The following FRMD5 variants were observed in gnomAD, a reference collection of about 807,000 sequenced individuals.
FRMD5 encodes the protein FERM domain-containing protein 5.
A neutral mutation model predicts 69.0 loss-of-function variants in FRMD5; 20 were observed. The observed-to-expected ratio is 0.29, with a 90% CI of 0.20 to 0.42. The LOEUF is 0.42. Among genes scored for constraint, FRMD5 ranks in the 10% least tolerant of loss-of-function variants. The pLI, the probability that FRMD5 is intolerant of heterozygous loss-of-function variation, is 1.00. For synonymous variants in FRMD5, 271 were observed against 260.1 expected (o/e 1.04, Z -0.40); for missense variants, 595 against 708.6 (o/e 0.84, Z 1.82).
intron 8 of FRMD5, among the ~76,000 whole-genome samples, chr15:43,890,755 C>T (rs1458698701): frequency 2.6e-5 from 4 of 152,190 alleles, no homozygotes; most frequent in Non-Finnish European, 4.4e-5. Flanking sequence ...CCTTGTGGCA[C>T]GGCTGTTGTC....
intron 1 of FRMD5, among the ~76,000 whole-genome samples, chr15:44,117,937 G>C (rs571011525): frequency 1.3e-5 from 2 of 150,400 alleles, no homozygotes; most frequent in African/African-American, 4.9e-5. Context: ...TGAGGAATTA[G>C]AGCAAGGACT....
At chr15:43,959,878 T>C (rs1300089289) in intron 1 of FRMD5, among the ~76,000 whole-genome samples, 1 of 152,208 alleles carries the variant, frequency 6.6e-6, no homozygotes, top group South Asian at 2.1e-4. Flanking sequence ...GGGCAAGTTA[T>C]TTGCATCCAC....
intron 1 of FRMD5, among the ~76,000 whole-genome samples, chr15:44,011,572 G>A (rs1325608438): frequency 1.3e-5 from 2 of 152,142 alleles, no homozygotes; most frequent in African/African-American, 2.4e-5. Context: ...CTGAGGAGAG[G>A]TCTGGATTGC....
chr15:44,195,040 C>T lies in FRMD5; in HGVS notation c.15G>A (p.Leu5=), dbSNP rs926141608. 1.3e-6 allele frequency: 2 copies of T among 1,548,238 alleles called. No individual in the cohort carries two copies. Among genetic ancestry groups the T allele is most frequent in the Non-Finnish European group, 1.7e-6 (2 of 1,152,436 alleles). ...CCAGGCTCCTGCTGCTGCCGCTCATCAACCTGCTCAGCATCTTCCCGCCCG... is the reference window on the plus strand; with the variant it reads ...CCAGGCTCCTGCTGCTGCCGCTCATTAACCTGCTCAGCATCTTCCCGCCCG... MLSR[L]MSGSSRSLER... Residue 5 remains leucine, a synonymous_variant, in exon 1 of 14, where the codon TTG becomes TTA. Coordinates refer to ENST00000417257, the MANE Select transcript of FRMD5 (RefSeq NM_032892.5).
intron 1 of FRMD5, among the ~76,000 whole-genome samples, chr15:43,960,676 G>C (rs553177882): frequency 1.3e-5 from 2 of 152,322 alleles, no homozygotes; most frequent in Admixed American, 6.5e-5. Context: ...GAGCCACCGT[G>C]CCTGGTCTAA....
intron 1 of FRMD5, among the ~76,000 whole-genome samples, chr15:43,961,458 C>T (rs528666937): frequency 1.1e-4 from 16 of 152,242 alleles, no homozygotes; most frequent in Non-Finnish European, 1.8e-4. Context: ...GATTTGCAGC[C>T]GAATTCTACC....
intron 13 of FRMD5, chr15:43,879,865 T>G: frequency 2.6e-6 from 1 of 386,216 alleles, no homozygotes; most frequent in Non-Finnish European, 4.6e-6. Context: ...CTCCCCAAGC[T>G]TCACATCAGG....
chr15:43,995,378 T>A (rs1209172688), intron 1 of FRMD5, among the ~76,000 whole-genome samples: 1 of 152,218 alleles, frequency 6.6e-6, no homozygotes, highest in Non-Finnish European at 1.5e-5. Flanking sequence ...TACAAAGGGC[T>A]GAAGCCTGAT....
chr15:43,985,770 C>G (rs554724891), intron 1 of FRMD5, among the ~76,000 whole-genome samples: 1 of 152,210 alleles, frequency 6.6e-6, no homozygotes, highest in Non-Finnish European at 1.5e-5. Flanking sequence ...GTATTTCAAA[C>G]AAACTTAGAG....
At chr15:44,066,523 G>C (rs1444432272) in intron 1 of FRMD5, among the ~76,000 whole-genome samples, 1 of 152,124 alleles carries the variant, frequency 6.6e-6, no homozygotes, top group East Asian at 1.9e-4. Context: ...CTGGGGAAAA[G>C]GCATTACGCA....
At chr15:43,876,960 G>A (rs2088378714) in intron 13 of FRMD5, among the ~76,000 whole-genome samples, 1 of 150,954 alleles carries the variant, frequency 6.6e-6, no homozygotes. Context: ...TCTTCCCAAG[G>A]TTCTCACAGG....
At chr15:43,979,984 TA>T (rs763828153) in intron 1 of FRMD5, among the ~76,000 whole-genome samples, 56 of 152,222 alleles carry the variant, frequency 3.7e-4, no homozygotes, top group Non-Finnish European at 1.2e-4. Context: ...CAAGACATAT[TA>T]GATTGTAGTT....
intron 1 of FRMD5, among the ~76,000 whole-genome samples, chr15:43,944,728 T>G (rs547386392): frequency 9.9e-5 from 15 of 152,258 alleles, no homozygotes; most frequent in African/African-American, 3.6e-4. Context: ...TAGCTGGGAC[T>G]ACAGGCACCC....
intron 1 of FRMD5, among the ~76,000 whole-genome samples, chr15:43,931,755 C>A (rs2089680213): frequency 1.3e-5 from 2 of 152,124 alleles, no homozygotes; most frequent in African/African-American, 4.8e-5. Flanking sequence ...GTTTACTGGC[C>A]AGTGCCAACA....
chr15:44,091,901 T>C (rs548215731), intron 1 of FRMD5, among the ~76,000 whole-genome samples: 13 of 152,220 alleles, frequency 8.5e-5, no homozygotes, highest in African/African-American at 2.6e-4. Context: ...GAAAAATACA[T>C]AGTGCCTATG....
rs375846572 is a variant in FRMD5 at position 43,876,074 on chromosome 15, C to G, written c.1136-1612G>C. ...CATTGAATCTCATCCCAGACTTTAA[C>G]TTTTCCATGGCTTCCATGATTTTGC... On this transcript the variant is annotated intron_variant, in intron 13 of 13. Coordinates refer to ENST00000417257, the MANE Select transcript of FRMD5 (RefSeq NM_032892.5). 604 of 1,317,468 alleles carry G rather than the reference C, an allele frequency of 4.6e-4. 5 individuals are homozygous for G. The East Asian group carries it at 8.0e-3, about 17-fold the overall frequency. The allele number at this position is 1,317,468 out of a possible 1,614,324, so 81.6% of individuals were successfully genotyped here.
intron 1 of FRMD5, among the ~76,000 whole-genome samples, chr15:43,978,800 C>T (rs867563519): frequency 6.6e-6 from 1 of 152,146 alleles, no homozygotes; most frequent in Non-Finnish European, 1.5e-5. Context: ...GATCCACCCA[C>T]CTCGGCTTCC....
At chr15:44,099,837 A>G (rs2076611143) in intron 1 of FRMD5, among the ~76,000 whole-genome samples, 1 of 152,160 alleles carries the variant, frequency 6.6e-6, no homozygotes, top group African/African-American at 2.4e-5. Flanking sequence ...TTAATTATAG[A>G]GTTGCAAAGA....
rs1456665827 is a variant in FRMD5, at chr15:43,878,285, C to A, written c.1136-3823G>T. On this transcript the variant is annotated intron_variant, in intron 13 of 13. Transcript: ENST00000417257. ...GAAAAAAAAAAGTTTAATTGTACAT[C>A]ATTTTGCTTAAAGTTGCAGTTTCTA... Among the ~76,000 whole-genome samples the A allele has an allele frequency of 2.6e-5, 4 of 152,086 alleles. 1 individual carries two copies. The highest frequency in any genetic ancestry group is 4.4e-5 in the Non-Finnish European group (3 of 68,034).
Sources: allele counts gnomAD v4.1 joint callset (sites outside exome capture counted in the v4.1 genomes callset), GRCh38; gene constraint gnomAD v4.1.1; transcripts MANE v1.5; gene names NCBI Gene and HGNC (gene_info 2026-07-23, HGNC 2026-07-21).